SHISA9: variants seen among roughly 807,000 people sequenced by gnomAD.
The protein encoded by SHISA9 is shisa family member 9.
SHISA9 carries 13 observed loss-of-function variants against 38.0 expected under a neutral mutation model. That is an observed-to-expected ratio of 0.34 (90% confidence interval 0.22 to 0.54). The LOEUF is 0.54. SHISA9 is among the 20% of genes least tolerant of loss of function. SHISA9 has a pLI of 0.91. For missense variants in SHISA9, 538 were observed against 575.8 expected, an observed-to-expected ratio of 0.93 and a Z score of 0.67; for synonymous variants, 275 against 242.0, an observed-to-expected ratio of 1.14 and a Z score of -1.27.
intron 2 of SHISA9, among the ~76,000 whole-genome samples, chr16:13,029,722 C>A (rs1372154820): frequency 6.6e-6 from 1 of 152,236 alleles, no homozygotes; most frequent in Non-Finnish European, 1.5e-5. Context: ...AATGTGTTCT[C>A]ACTTAATTGT....
the SHISA9 span, among the ~76,000 whole-genome samples, chr16:13,520,026 T>C: frequency 2.4e-4 from 37 of 151,984 alleles, no homozygotes; most frequent in Non-Finnish European, 4.3e-4. Flanking sequence ...CCTATCCAGA[T>C]GGAAGAAGGC....
the SHISA9 span, among the ~76,000 whole-genome samples, chr16:13,248,327 G>C: frequency 4.6e-5 from 7 of 152,232 alleles, no homozygotes; most frequent in South Asian, 1.5e-3. Context: ...CGGGCCTTGA[G>C]GGTGCAAGAA....
chr16:13,314,766 T>C, the SHISA9 span, among the ~76,000 whole-genome samples: 3 of 152,172 alleles, frequency 2.0e-5, no homozygotes, highest in East Asian at 5.8e-4. Flanking sequence ...ATATACGTAA[T>C]TTAACATAGT....
the SHISA9 span, among the ~76,000 whole-genome samples, chr16:13,499,915 G>T: frequency 6.6e-6 from 1 of 152,176 alleles, no homozygotes; most frequent in Admixed American, 6.5e-5. Context: ...GCCTGGTACT[G>T]TGCTCATCTT....
chr16:13,345,785 T>C, the SHISA9 span, among the ~76,000 whole-genome samples: 1 of 152,192 alleles, frequency 6.6e-6, no homozygotes, highest in Non-Finnish European at 1.5e-5. Context: ...TTTTTAATAA[T>C]AGCCATTCTG....
At chr16:13,281,192 C>A in the SHISA9 span, among the ~76,000 whole-genome samples, 1 of 151,636 alleles carries the variant, frequency 6.6e-6, no homozygotes, top group Non-Finnish European at 1.5e-5. Flanking sequence ...ACAACTTACC[C>A]AAAGTTATAC....
At chr16:13,159,453 G>A (rs1401476859) in intron 2 of SHISA9, among the ~76,000 whole-genome samples, 1 of 152,204 alleles carries the variant, frequency 6.6e-6, no homozygotes, top group Non-Finnish European at 1.5e-5. Flanking sequence ...TTCTCGAGAT[G>A]TGAGAGAAGA....
the SHISA9 span, among the ~76,000 whole-genome samples, chr16:13,537,029 A>T: frequency 6.6e-6 from 1 of 152,196 alleles, no homozygotes; most frequent in Admixed American, 6.6e-5. Flanking sequence ...CATAACTCTG[A>T]CATACCAGCT....
the SHISA9 span, among the ~76,000 whole-genome samples, chr16:13,559,409 G>T: frequency 6.8e-6 from 1 of 146,312 alleles, no homozygotes; most frequent in South Asian, 2.2e-4. Context: ...AGACATTCTC[G>T]CTCTGTCACC....
In SHISA9 at chr16:12,992,067, T is replaced by C. The variant is rs539300676; in HGVS notation, c.691+75252T>C. Among the ~76,000 whole-genome samples the C allele has an allele frequency of 9.0e-4, 137 of 152,066 alleles. 2 individuals carry two copies. Among genetic ancestry groups the C allele is most frequent in the Non-Finnish European group, 9.1e-4 (62 of 68,010 alleles). ...ATGAATATAATTTAAAAATATGAAATAAGTAATAGTATGGGAGATACATAG... is the reference window on the plus strand; with the variant it reads ...ATGAATATAATTTAAAAATATGAAACAAGTAATAGTATGGGAGATACATAG... On this transcript the variant is annotated intron_variant, in intron 2 of 4. Transcript: ENST00000558583.
chr16:13,527,578 G>A, the SHISA9 span, among the ~76,000 whole-genome samples: 47,933 of 151,958 alleles, frequency 0.32, 7,914 homozygotes, highest in East Asian at 0.53. Context: ...GTATGTGTAG[G>A]TAGTAAAGGA....
intron 2 of SHISA9, among the ~76,000 whole-genome samples, chr16:12,940,003 A>G (rs896579011): frequency 6.6e-6 from 1 of 152,210 alleles, no homozygotes; most frequent in Non-Finnish European, 1.5e-5. Flanking sequence ...AGTCATTATT[A>G]TCCAACCAAC....
chr16:13,196,480 A>G (rs1236922188), intron 2 of SHISA9, among the ~76,000 whole-genome samples: 1 of 152,164 alleles, frequency 6.6e-6, no homozygotes, highest in Non-Finnish European at 1.5e-5. Flanking sequence ...AAAGTCATCA[A>G]AACAGGGAAA....
chr16:12,993,400 C>G (rs1174527898), intron 2 of SHISA9, among the ~76,000 whole-genome samples: 1 of 152,140 alleles, frequency 6.6e-6, no homozygotes, highest in East Asian at 1.9e-4. Context: ...TCTATCTGGT[C>G]TCGGTTTTTC....
the SHISA9 span, among the ~76,000 whole-genome samples, chr16:13,479,478 T>C: frequency 6.6e-6 from 1 of 152,194 alleles, no homozygotes. Flanking sequence ...ATAAACTGAC[T>C]CTAGGAGATG....
chr16:12,916,591 C>G, intron 1 of SHISA9, 97 bp from the exon 2 acceptor site: 2 of 1,388,452 alleles, frequency 1.4e-6, no homozygotes, highest in Non-Finnish European at 1.9e-6. Flanking sequence ...ATGGAGTAAT[C>G]CGCCTTGCCA....
At chr16:12,959,844 C>T (rs1295762600) in intron 2 of SHISA9, among the ~76,000 whole-genome samples, 2 of 152,150 alleles carry the variant, frequency 1.3e-5, no homozygotes, top group African/African-American at 2.4e-5. Context: ...ACAGTTTCCG[C>T]ACTCTACATA....
chr16:12,908,998 G>A (rs1326661024), intron 1 of SHISA9: 10 of 1,001,356 alleles, frequency 1.0e-5, no homozygotes, highest in Admixed American at 5.5e-5. Context: ...AATGATAAAT[G>A]CACCTCCTCC....
chr16:12,958,804 C>G (rs770235044), intron 2 of SHISA9, among the ~76,000 whole-genome samples: 1 of 152,150 alleles, frequency 6.6e-6, no homozygotes, highest in African/African-American at 2.4e-5. Flanking sequence ...AATGGCAGTA[C>G]TCTGTACTAG....
Sources: allele counts gnomAD v4.1 joint callset (sites outside exome capture counted in the v4.1 genomes callset), GRCh38; gene constraint gnomAD v4.1.1; transcripts MANE v1.5; gene names NCBI Gene and HGNC (gene_info 2026-07-23, HGNC 2026-07-21).